The following TTYH2 variants were observed in gnomAD, a reference collection of about 807,000 sequenced individuals.
TTYH2 encodes tweety family member 2.
TTYH2 carries 49 observed loss-of-function variants against 68.3 expected under a neutral mutation model. That is an observed-to-expected ratio of 0.72 (90% confidence interval 0.57 to 0.91). The LOEUF is 0.91. TTYH2 is among the 40% of genes least tolerant of loss of function. The probability of loss-of-function intolerance (pLI) is 0.00; values close to 1 mark genes in which losing one functional copy is unlikely to be tolerated. For missense variants in TTYH2, 631 were observed against 700.4 expected (o/e 0.90, Z 1.12); for synonymous variants, 272 against 300.8 (o/e 0.90, Z 0.99).
chr17:74,240,880 C>T (rs1171871087), intron 4 of TTYH2: 1 of 152,118 alleles, frequency 6.6e-6, no homozygotes, highest in Non-Finnish European at 1.5e-5. Flanking sequence ...CAACATGAGG[C>T]GTGGAGGCAG....
At chr17:74,259,453 G>A (rs1567823786) in intron 13 of TTYH2, among the ~76,000 whole-genome samples, 1 of 152,002 alleles carries the variant, frequency 6.6e-6, no homozygotes. Context: ...GGGCTCAAAC[G>A]ATCCTCCTGC....
chr17:74,254,208 C>T (rs1161441833), intron 13 of TTYH2, among the ~76,000 whole-genome samples: 2 of 151,914 alleles, frequency 1.3e-5, no homozygotes, highest in Non-Finnish European at 2.9e-5. Context: ...CAGAATCTCA[C>T]TCTATTGCCC....
intron 11 of TTYH2, among the ~76,000 whole-genome samples, chr17:74,252,861 G>A (rs2050649321): frequency 6.6e-6 from 1 of 152,202 alleles, no homozygotes; most frequent in South Asian, 2.1e-4. Context: ...CATGCGCATG[G>A]TCAGCGTGGT....
chr17:74,253,272 G>A lies in TTYH2; in HGVS notation c.1445+6G>A. On this transcript the variant is annotated splice_donor_region_variant and intron_variant, in intron 12 of 13. Transcript: ENST00000269346. ...GCCCCTGTCTCCGAGTACATGTACG[G>A]CCTGCACACACACCCAGGCTGGGTA... 6.3e-7 allele frequency: 1 copy of A among 1,582,994 alleles called. No homozygotes were observed. The highest frequency in any genetic ancestry group is 8.6e-7 in the Non-Finnish European group (1 of 1,165,320).
intron 9 of TTYH2, 98 bp from the exon 10 acceptor site, chr17:74,250,166 CT>C: frequency 6.8e-7 from 1 of 1,467,706 alleles, no homozygotes; most frequent in Non-Finnish European, 9.3e-7. Flanking sequence ...GGCTCCCTCC[CT>C]TGGCTCTAGA....
At chr17:74,258,704 G>T (rs1050482706) in intron 13 of TTYH2, among the ~76,000 whole-genome samples, 1 of 148,926 alleles carries the variant, frequency 6.7e-6, no homozygotes, top group African/African-American at 2.5e-5. Flanking sequence ...TCGGTGGGGG[G>T]TTCCTGTACA....
intron 9 of TTYH2, 26 bp from the exon 10 acceptor site, chr17:74,250,239 C>A: frequency 6.4e-7 from 1 of 1,567,926 alleles, no homozygotes; most frequent in Non-Finnish European, 8.6e-7. Flanking sequence ...AGCCCCTCGG[C>A]CTCTCTCGCT....
At chr17:74,245,030 G>A (rs190677119) in intron 6 of TTYH2, among the ~76,000 whole-genome samples, 1 of 152,184 alleles carries the variant, frequency 6.6e-6, no homozygotes, top group African/African-American at 2.4e-5. Context: ...GGCTTGATAG[G>A]ATAAGATGGG....
chr17:74,222,676 TG>T lies in TTYH2; in HGVS notation c.302+22del. ...TCTGCTGGTGAGTGTCCCTGGACGC[TG>T]GGCTTGGGGTGTGTGACTCAGTCTG... On this transcript the variant is annotated intron_variant, in intron 2 of 13. Coordinates refer to ENST00000269346, the MANE Select transcript of TTYH2 (RefSeq NM_032646.6). This position sits in a 1 kb window ranked among gnomAD's most constrained non-coding sequence, Gnocchi z 5.2. The T allele has an allele frequency of 6.3e-7, 1 of 1,598,982 alleles. No homozygotes were observed.
rs1054057033 is a variant in TTYH2, at chr17:74,239,220, C to T, written c.635+1706C>T. Reference sequence around the variant, plus strand: ...GCCCCTCTCCAGGTGCAGGGTCCAGCGAAGTTTGCTCCGTGGAAAGCACAG... The same window carrying T: ...GCCCCTCTCCAGGTGCAGGGTCCAGTGAAGTTTGCTCCGTGGAAAGCACAG... On this transcript the variant is annotated intron_variant, in intron 4 of 13. Transcript: ENST00000269346. The surrounding 1 kb of genome is among the most constrained non-coding windows in gnomAD (Gnocchi z 5.3). 5.9e-5 allele frequency among the ~76,000 whole-genome samples: 9 copies of T among 152,354 alleles called. No homozygotes were observed. In the East Asian group the frequency reaches 1.2e-3, roughly 20 times the overall value.
At chr17:74,253,298 G>A (rs1159515628) in intron 12 of TTYH2, 32 bp downstream of exon 12, 3 of 1,543,160 alleles carry the variant, frequency 1.9e-6, no homozygotes, top group Non-Finnish European at 2.6e-6. Context: ...AGGCTGGGTA[G>A]CACTGCCCGG....
chr17:74,238,986 C>T (rs1411378526), intron 4 of TTYH2, among the ~76,000 whole-genome samples: 5 of 152,208 alleles, frequency 3.3e-5, no homozygotes, highest in South Asian at 4.1e-4. Flanking sequence ...CCAAGGATTA[C>T]AGACATGAGC....
chr17:74,229,014 G>C (rs73995094), intron 2 of TTYH2, among the ~76,000 whole-genome samples: 4 of 152,250 alleles, frequency 2.6e-5, no homozygotes, highest in African/African-American at 9.6e-5. Context: ...CTTCTTCCAG[G>C]CTGCCCTAGA....
chr17:74,247,181 C>CA (rs71157049), intron 6 of TTYH2, among the ~76,000 whole-genome samples: 2,993 of 76,914 alleles, frequency 0.039, 95 homozygotes, highest in African/African-American at 0.081. Flanking sequence ...GACTCTGTCT[C>CA]AAAAAAAAAA....
intron 4 of TTYH2, among the ~76,000 whole-genome samples, chr17:74,238,300 A>C: frequency 6.6e-6 from 1 of 152,236 alleles, no homozygotes; most frequent in East Asian, 1.9e-4. Flanking sequence ...AGTTGCCATC[A>C]GGGGAGGCTC....
Position 74,213,872 on chromosome 17 carries a change from C to T in TTYH2, c.129+156C>T, listed in dbSNP as rs1256814938. On this transcript the variant is annotated intron_variant, in intron 1 of 13. Transcript: ENST00000269346. This position sits in a 1 kb window ranked among gnomAD's most constrained non-coding sequence, Gnocchi z 6.1. ...TCTCCCCTCTCCCCTTTTCCCCCAC[C>T]CTCCCAGGCCCGTGGCCCGCGTCCC... 2.6e-5 allele frequency among the ~76,000 whole-genome samples: 4 copies of T among 152,114 alleles called. No individual in the cohort carries two copies. Among genetic ancestry groups the T allele is most frequent in the African/African-American group, 9.7e-5 (4 of 41,420 alleles).
At position 74,222,449 on chromosome 17, in the gene TTYH2, G is replaced by T. The variant is rs756451740; in HGVS notation, c.130-36G>T. ...CACTTCCAGAGCCCCGCACTGCAGGGATGAAGAGTGACAACAGGCCTCTGC... is the reference window on the plus strand; with the variant it reads ...CACTTCCAGAGCCCCGCACTGCAGGTATGAAGAGTGACAACAGGCCTCTGC... On this transcript the variant is annotated intron_variant, in intron 1 of 13. Coordinates refer to ENST00000269346, the MANE Select transcript of TTYH2 (RefSeq NM_032646.6). This position sits in a 1 kb window ranked among gnomAD's most constrained non-coding sequence, Gnocchi z 5.2. The T allele has an allele frequency of 2.5e-6, 4 of 1,584,256 alleles. No homozygotes were observed. Among genetic ancestry groups the T allele is most frequent in the African/African-American group, 2.7e-5 (2 of 74,762 alleles).
At chr17:74,233,977 C>T (rs1420467004) in intron 3 of TTYH2, among the ~76,000 whole-genome samples, 3 of 152,174 alleles carry the variant, frequency 2.0e-5, no homozygotes, top group East Asian at 1.9e-4. Flanking sequence ...AAACCAGAAC[C>T]CAGGCCTCCT....
rs567452029 is a variant in TTYH2, at chr17:74,248,112, C to T, written c.805-899C>T. The T allele has an allele frequency of 1.6e-3, 354 of 224,528 alleles. 1 individual carries two copies. Among genetic ancestry groups the T allele is most frequent in the African/African-American group, 4.7e-3 (201 of 42,758 alleles). The allele number at this position is 224,528 out of a possible 1,614,324, so 13.9% of individuals were successfully genotyped here. ...GGCTCCTGAAGGAGGACGGGGCCAC[C>T]GGCAGAGCAGGGCACTCAGAGGGGT... On this transcript the variant is annotated intron_variant, in intron 6 of 13. Transcript: ENST00000269346.
Sources: gnomAD v4.1 joint callset for allele counts (sites outside exome capture counted in the v4.1 genomes callset) on GRCh38, gnomAD v4.1.1 for gene constraint, Gnocchi (gnomAD v3.1) non-coding constraint, MANE v1.5 for transcripts, NCBI Gene and HGNC (gene_info 2026-07-23, HGNC 2026-07-21) for gene names.